The following DYNC1I1 variants were observed in gnomAD, a reference collection of about 807,000 sequenced individuals.
DYNC1I1 encodes dynein cytoplasmic 1 intermediate chain 1.
DYNC1I1 carries 43 observed loss-of-function variants against 86.6 expected under a neutral mutation model. The observed-to-expected ratio is 0.50, with a 90% CI of 0.39 to 0.64. The LOEUF (loss-of-function observed/expected upper bound fraction) is 0.64, where lower values mean the gene tolerates loss of function less well. Among genes scored for constraint, DYNC1I1 ranks in the 30% least tolerant of loss-of-function variants. The probability of loss-of-function intolerance (pLI) is 0.00; values close to 1 mark genes in which losing one functional copy is unlikely to be tolerated. For synonymous variants in DYNC1I1, 262 were observed against 283.7 expected (o/e 0.92, Z 0.77); for missense variants, 604 against 788.8 (o/e 0.77, Z 2.81).
chr7:95,870,185 G>A (rs1039569718), intron 6 of DYNC1I1, among the ~76,000 whole-genome samples, 187 bp downstream of exon 6: 1 of 152,208 alleles, frequency 6.6e-6, no homozygotes, highest in African/African-American at 2.4e-5. Flanking sequence ...ACTCTTCCAA[G>A]TGACCTGGCA....
chr7:96,071,428 T>TA lies in DYNC1I1; in HGVS notation c.1510-4626dup, dbSNP rs539446137. On this transcript the variant is annotated intron_variant, in intron 14 of 16. Transcript: ENST00000447467. Reference sequence around the variant, plus strand: ...AAAGTAAGATCCAAGGATGTTAAGTTAAATTTCCCAAGGTCTGTAGTTTTC... The same window carrying TA: ...AAAGTAAGATCCAAGGATGTTAAGTTAAAATTTCCCAAGGTCTGTAGTTTTC... Among the ~76,000 whole-genome samples, 597 of 152,328 alleles carry TA rather than the reference T, an allele frequency of 3.9e-3. 7 individuals are homozygous for TA. Among genetic ancestry groups the TA allele is most frequent in the Admixed American group, 3.3e-3 (50 of 15,298 alleles).
At position 95,880,766 on chromosome 7, in the gene DYNC1I1, C is replaced by A. The variant is rs191722018; in HGVS notation, c.490+10768C>A. On this transcript the variant is annotated intron_variant, in intron 6 of 16. Transcript: ENST00000447467. ...GTTCAACCGATTCTCCTGCCTCAGC[C>A]TCCCGAGTAGCTGGGATTACAGGTG... 6.8e-3 allele frequency among the ~76,000 whole-genome samples: 1,031 copies of A among 151,770 alleles called. 22 individuals are homozygous for A. Among genetic ancestry groups the A allele is most frequent in the African/African-American group, 0.023 (942 of 41,328 alleles).
intron 16 of DYNC1I1, among the ~76,000 whole-genome samples, chr7:96,084,008 G>C (rs898010176): frequency 1.3e-5 from 2 of 152,174 alleles, no homozygotes; most frequent in Non-Finnish European, 2.9e-5. Flanking sequence ...TCTGTGGGAA[G>C]ACATCTCATA....
chr7:95,933,895 A>G (rs1356954979), intron 6 of DYNC1I1, among the ~76,000 whole-genome samples: 1 of 152,030 alleles, frequency 6.6e-6, no homozygotes, highest in East Asian at 1.9e-4. Context: ...ATGAAACCCG[A>G]CACTTAGAGC....
intron 10 of DYNC1I1, among the ~76,000 whole-genome samples, chr7:96,014,499 A>G (rs1369406046): frequency 6.6e-6 from 1 of 152,196 alleles, no homozygotes; most frequent in African/African-American, 2.4e-5. Flanking sequence ...TAAAGGAGCC[A>G]TGTTAGTTCT....
chr7:96,017,736 A>G (rs146781909), intron 10 of DYNC1I1, among the ~76,000 whole-genome samples: 2 of 152,342 alleles, frequency 1.3e-5, no homozygotes, highest in East Asian at 3.9e-4. Flanking sequence ...AATAATAAAT[A>G]ATAATTCATA....
chr7:95,936,142 G>A (rs1584176225), intron 6 of DYNC1I1, among the ~76,000 whole-genome samples: 1 of 151,978 alleles, frequency 6.6e-6, no homozygotes, highest in Non-Finnish European at 1.5e-5. Flanking sequence ...TGGTGTGTCT[G>A]CAAGAGAATA....
intron 6 of DYNC1I1, among the ~76,000 whole-genome samples, chr7:95,876,629 C>T (rs1354682397): frequency 2.0e-5 from 3 of 152,236 alleles, no homozygotes; most frequent in East Asian, 1.9e-4. Flanking sequence ...ATATAAGCCC[C>T]GCTACACACA....
chr7:95,886,462 G>A (rs1229839224), intron 6 of DYNC1I1, among the ~76,000 whole-genome samples: 1 of 149,560 alleles, frequency 6.7e-6, no homozygotes, highest in East Asian at 2.0e-4. Context: ...AAACAAACAA[G>A]CAAAAAAACC....
At chr7:95,851,598 A>G (rs373991447) in intron 5 of DYNC1I1, among the ~76,000 whole-genome samples, 3 of 152,096 alleles carry the variant, frequency 2.0e-5, no homozygotes, top group Admixed American at 6.6e-5. Flanking sequence ...ATAGTGTGCT[A>G]TTGAATTTGA....
intron 14 of DYNC1I1, among the ~76,000 whole-genome samples, chr7:96,066,231 C>T (rs978503530): frequency 3.9e-5 from 6 of 152,186 alleles, no homozygotes. Context: ...CTCTTCTTGA[C>T]TGTTTTCCTT....
chr7:95,826,363 A>G (rs1415866009), intron 4 of DYNC1I1, among the ~76,000 whole-genome samples: 12 of 152,174 alleles, frequency 7.9e-5, no homozygotes, highest in Non-Finnish European at 1.8e-4. Context: ...TCGGGCATTG[A>G]CTCAAAGAAA....
At chr7:95,848,810 G>T (rs1174390500) in intron 5 of DYNC1I1, among the ~76,000 whole-genome samples, 1 of 151,988 alleles carries the variant, frequency 6.6e-6, no homozygotes, top group African/African-American at 2.4e-5. Flanking sequence ...TATACTGTTT[G>T]CCATAATGGC....
chr7:95,956,366 C>T (rs1353552050), intron 6 of DYNC1I1, among the ~76,000 whole-genome samples: 1 of 148,020 alleles, frequency 6.8e-6, no homozygotes, highest in African/African-American at 2.6e-5. Flanking sequence ...TCAATAAGAC[C>T]CTTCTTTTTT....
At chr7:96,089,516 G>A (rs1458119094) in intron 16 of DYNC1I1, among the ~76,000 whole-genome samples, 1 of 152,030 alleles carries the variant, frequency 6.6e-6, no homozygotes. Context: ...GCACAGAAAA[G>A]GATATTTAGA....
intron 6 of DYNC1I1, among the ~76,000 whole-genome samples, chr7:95,872,152 C>T (rs1790189678): frequency 6.6e-6 from 1 of 152,188 alleles, no homozygotes; most frequent in Non-Finnish European, 1.5e-5. Context: ...ACAGTTGGCA[C>T]TGAGGTTCTA....
downstream of DYNC1I1, among the ~76,000 whole-genome samples, chr7:96,099,865 ACAAT>A (rs1237642791): frequency 1.3e-5 from 2 of 152,192 alleles, no homozygotes; most frequent in Non-Finnish European, 1.5e-5. Context: ...GTTTCTTGGC[ACAAT>A]CAATCTTGGT....
chr7:95,959,940 G>A (rs1333898710), intron 6 of DYNC1I1, among the ~76,000 whole-genome samples: 2 of 152,024 alleles, frequency 1.3e-5, no homozygotes, highest in Non-Finnish European at 2.9e-5. Context: ...TACCTCCTTG[G>A]GGCAATTGCA....
chr7:96,059,467 T>C (rs1157404631), intron 14 of DYNC1I1, among the ~76,000 whole-genome samples: 1 of 152,240 alleles, frequency 6.6e-6, no homozygotes, highest in Non-Finnish European at 1.5e-5. Context: ...TGCCACTCTT[T>C]GCTTATTCAT....
Sources: gnomAD v4.1 joint callset for allele counts (sites outside exome capture counted in the v4.1 genomes callset) on GRCh38, gnomAD v4.1.1 for gene constraint, MANE v1.5 for transcripts, NCBI Gene and HGNC (gene_info 2026-07-23, HGNC 2026-07-21) for gene names.